MYCBP2: variants seen among roughly 807,000 people sequenced by gnomAD.
MYCBP2 encodes E3 ubiquitin-protein ligase MYCBP2.
A neutral mutation model predicts 525.3 loss-of-function variants in MYCBP2; 120 were observed. That is an observed-to-expected ratio of 0.23 (90% CI 0.20 to 0.27). MYCBP2 has a LOEUF of 0.27. Among genes scored for constraint, MYCBP2 ranks in the 10% least tolerant of loss-of-function variants. The pLI is 1.00. For missense variants in MYCBP2, 4,149 were observed against 5,657.1 expected (o/e 0.73, Z 8.55); for synonymous variants, 1,894 against 1,955.8 (o/e 0.97, Z 0.83).
intron 1 of MYCBP2, among the ~76,000 whole-genome samples, chr13:77,308,220 C>A (rs1274920804): frequency 1.3e-5 from 2 of 152,176 alleles, no homozygotes; most frequent in African/African-American, 4.8e-5. Flanking sequence ...ATCTATTTAA[C>A]CAATAAAATA....
intron 53 of MYCBP2, among the ~76,000 whole-genome samples, chr13:77,126,039 T>C (rs1187228147): frequency 1.3e-5 from 2 of 152,188 alleles, no homozygotes; most frequent in Non-Finnish European, 2.9e-5. Context: ...TAATCCATGA[T>C]GGTATAGTAC....
chr13:77,117,595 T>TG (rs1228799878), intron 55 of MYCBP2, among the ~76,000 whole-genome samples: 1 of 152,032 alleles, frequency 6.6e-6, no homozygotes, highest in African/African-American at 2.4e-5. Flanking sequence ...ATCCGAAAAA[T>TG]GGTATACAAG....
chr13:77,060,493 A>T (rs2039080173), intron 76 of MYCBP2, among the ~76,000 whole-genome samples: 1 of 152,230 alleles, frequency 6.6e-6, no homozygotes, highest in Non-Finnish European at 1.5e-5. Flanking sequence ...TGTCAGTCAA[A>T]TGGCAGACTG....
At chr13:77,074,522 A>G (rs944187374) in intron 68 of MYCBP2, among the ~76,000 whole-genome samples, 8 of 152,208 alleles carry the variant, frequency 5.3e-5, no homozygotes, top group African/African-American at 1.7e-4. Context: ...TTGAAAACAC[A>G]TAATTGGTAA....
At chr13:77,232,591 A>T (rs1258625654) in intron 18 of MYCBP2, among the ~76,000 whole-genome samples, 1 of 152,168 alleles carries the variant, frequency 6.6e-6, no homozygotes, top group Non-Finnish European at 1.5e-5. Flanking sequence ...ATCACCAGGG[A>T]CTAGAGAAAG....
chr13:77,255,335 A>C (rs544705075), intron 14 of MYCBP2, among the ~76,000 whole-genome samples: 2 of 151,930 alleles, frequency 1.3e-5, no homozygotes, highest in Non-Finnish European at 2.9e-5. Flanking sequence ...CTGCTTTCTA[A>C]TTCATTACTT....
intron 69 of MYCBP2, 91 bp from the exon 70 acceptor site, chr13:77,068,922 G>A (rs142825478): frequency 7.9e-7 from 1 of 1,259,056 alleles, no homozygotes; most frequent in Non-Finnish European, 1.1e-6. Flanking sequence ...AATAAGACAA[G>A]AATGTAAATT....
At chr13:77,065,904 T>C in intron 72 of MYCBP2, 88 bp downstream of exon 72, 1 of 851,098 alleles carries the variant, frequency 1.2e-6, no homozygotes, top group Non-Finnish European at 1.9e-6. Context: ...TACACTAATC[T>C]ACATCTCCTA....
intron 13 of MYCBP2, among the ~76,000 whole-genome samples, chr13:77,259,270 A>C (rs1037606920): frequency 1.3e-5 from 2 of 152,056 alleles, no homozygotes; most frequent in Admixed American, 6.6e-5. Context: ...CTCTCAAAAA[A>C]AAAAAGTGTT....
chr13:77,052,069 T>C (rs2036933049), intron 80 of MYCBP2, 151 bp from the exon 81 acceptor site: 1 of 613,782 alleles, frequency 1.6e-6, no homozygotes, highest in African/African-American at 1.8e-5. Context: ...TGCATGCCCA[T>C]ATTGCTTGCT....
chr13:77,269,508 T>C (rs2074580455), intron 7 of MYCBP2, among the ~76,000 whole-genome samples: 3 of 152,136 alleles, frequency 2.0e-5, no homozygotes, highest in Middle Eastern at 6.8e-3. Context: ...CATGGTGGCA[T>C]GGGCCTTCTC....
At chr13:77,207,049 G>A (rs1381778280) in intron 23 of MYCBP2, among the ~76,000 whole-genome samples, 1 of 152,052 alleles carries the variant, frequency 6.6e-6, no homozygotes, top group African/African-American at 2.4e-5. Context: ...ACTTAATACA[G>A]AAAATAGTAA....
rs1375551681 is a variant in MYCBP2 at position 77,099,809 on chromosome 13, A to T, written c.8141-796T>A. On this transcript the variant is annotated intron_variant, in intron 55 of 82. Coordinates refer to ENST00000544440, the MANE Select transcript of MYCBP2 (RefSeq NM_015057.5). The stretch of plus-strand genomic sequence containing the variant: ...ACAGAAAAACAGGATGAAAAGAAGA[A>T]TCACCTCCCTTTTCTAAGGCAAAGC... The T allele has an allele frequency of 2.6e-5, 4 of 152,112 alleles. No homozygotes were observed. In the East Asian group the frequency reaches 7.7e-4, roughly 29 times the overall value. The allele number at this position is 152,112 out of a possible 1,614,324, so 9.4% of individuals were successfully genotyped here.
At chr13:77,167,004 C>T (rs1276676180) in intron 40 of MYCBP2, among the ~76,000 whole-genome samples, 2 of 150,920 alleles carry the variant, frequency 1.3e-5, no homozygotes, top group African/African-American at 2.4e-5. Flanking sequence ...CACACACACA[C>T]ACACACACAC....
At chr13:77,250,122 T>G (rs1283450105) in intron 15 of MYCBP2, among the ~76,000 whole-genome samples, 1 of 149,228 alleles carries the variant, frequency 6.7e-6, no homozygotes, top group Non-Finnish European at 1.5e-5. Context: ...ACTTGGGAGG[T>G]CGAGGCAGGA....
chr13:77,301,434 A>C (rs1278552360), intron 1 of MYCBP2, among the ~76,000 whole-genome samples: 4 of 135,536 alleles, frequency 3.0e-5, no homozygotes, highest in Non-Finnish European at 6.7e-5. Context: ...AAAAAAAAAA[A>C]AAAAAAAAAA....
chr13:77,161,906 C>G lies in MYCBP2; in HGVS notation c.6597G>C (p.Gln2199His). 1 of 1,606,296 alleles carries G rather than the reference C, an allele frequency of 6.2e-7. No individual in the cohort carries two copies. Among genetic ancestry groups the G allele is most frequent in the Non-Finnish European group, 8.5e-7 (1 of 1,175,608 alleles). ...DLEILEEAAL[Q>H]VCKTHSGILG... is the part of the protein sequence containing the mutation. ...ATCCTTAAAACATTTGGGACAATAC[C>G]TGCAATGCAGCCTCCTCAAGAATTT... is the stretch of plus-strand genomic sequence containing the variant. Residue 2199 changes from glutamine (Q) to histidine (H), a missense_variant and splice_region_variant, in exon 44 of 83, where the codon CAG becomes CAC. Gln to His is a conservative substitution (Grantham distance 24). This residue lies in a region of MYCBP2 where 692 missense variants were observed against 852.7 expected (regional missense o/e 0.81). Coordinates refer to ENST00000544440, the MANE Select transcript of MYCBP2 (RefSeq NM_015057.5).
intron 4 of MYCBP2, among the ~76,000 whole-genome samples, chr13:77,275,505 C>G (rs2075434044): frequency 6.6e-6 from 1 of 152,156 alleles, no homozygotes; most frequent in East Asian, 1.9e-4. Context: ...TCTCATATGT[C>G]ACATCTTCAG....
intron 82 of MYCBP2, among the ~76,000 whole-genome samples, chr13:77,049,637 T>G (rs942636149): frequency 6.6e-6 from 1 of 152,192 alleles, no homozygotes; most frequent in Non-Finnish European, 1.5e-5. Flanking sequence ...GCATACTCTG[T>G]TCTGCAATTT....
Sources: allele counts gnomAD v4.1 joint callset (sites outside exome capture counted in the v4.1 genomes callset), GRCh38; gene constraint gnomAD v4.1.1; regional missense constraint gnomAD v4.1.1; transcripts MANE v1.5; gene names NCBI Gene and HGNC (gene_info 2026-07-23, HGNC 2026-07-21).